PACS1: variants seen among roughly 807,000 people sequenced by gnomAD.
PACS1 encodes phosphofurin acidic cluster sorting protein 1, also known as PACS-1.
PACS1 carries 24 observed loss-of-function variants against 115.0 expected under a neutral mutation model. The ratio of observed to expected loss-of-function variants is 0.21; its 90% CI spans 0.15 to 0.29. The LOEUF (loss-of-function observed/expected upper bound fraction) is 0.29. Among genes scored for constraint, PACS1 ranks in the 10% least tolerant of loss-of-function variants. PACS1 has a pLI of 1.00. For synonymous variants in PACS1, 453 were observed against 504.5 expected (o/e 0.90, Z 1.37); for missense variants, 838 against 1,251.2 (o/e 0.67, Z 4.98).
intron 1 of PACS1, among the ~76,000 whole-genome samples, chr11:66,179,573 A>T (rs537092521): frequency 6.6e-6 from 1 of 152,168 alleles, no homozygotes; most frequent in Non-Finnish European, 1.5e-5. Flanking sequence ...CAGTATTAAC[A>T]TATATACCCA....
Position 66,243,935 on chromosome 11 carries a change from G to A in PACS1, c.*655G>A, listed in dbSNP as rs1855868466. On this transcript the variant is annotated 3_prime_UTR_variant, in exon 24 of 24. Transcript: ENST00000320580. ...GTGACACAGCGTTTCTAGGACAGAG[G>A]GGCCTCCCAGTCTCCCCCCACCACC... 1 of 152,322 alleles carries A rather than the reference G, an allele frequency of 6.6e-6. No homozygotes were observed. The highest frequency in any genetic ancestry group is 1.9e-4 in the East Asian group (1 of 5,186). 9.4% of individuals were successfully genotyped at this position (152,322 alleles called of 1,614,324 possible). A position where few individuals can be genotyped will look rare whatever the true frequency, so the allele number is the denominator to read the frequency against.
At position 66,235,344 on chromosome 11, in the gene PACS1, G is replaced by T. The variant is rs1855685058; in HGVS notation, c.2148G>T (p.Gly716=). The change falls in exon 18 of 24, where the codon GGG becomes GGT. Residue 716 remains glycine (G), a synonymous_variant. Coordinates refer to ENST00000320580, the MANE Select transcript of PACS1 (RefSeq NM_018026.4). The surrounding 1 kb of genome is among the most constrained non-coding windows in gnomAD (Gnocchi z 5.6). ...GGCGGGTGATGCAGTACGTCAACGG[G>T]GCAGCCACGACACACCAGCTTCCCG... ...VAGRVMQYVN[G]AATTHQLPVA... 1 of 1,614,040 alleles carries T rather than the reference G, an allele frequency of 6.2e-7. No homozygotes were observed. Among genetic ancestry groups the T allele is most frequent in the Non-Finnish European group, 8.5e-7 (1 of 1,179,958 alleles).
chr11:66,158,003 C>T (rs1859399696), intron 1 of PACS1, among the ~76,000 whole-genome samples: 2 of 152,182 alleles, frequency 1.3e-5, no homozygotes, highest in South Asian at 2.1e-4. Context: ...CTCTGTTGCC[C>T]AGGCTGGAGT....
intron 1 of PACS1, among the ~76,000 whole-genome samples, chr11:66,136,881 T>C (rs1375863486): frequency 6.6e-6 from 1 of 152,168 alleles, no homozygotes; most frequent in South Asian, 2.1e-4. Context: ...GGTCTTCAGC[T>C]ATTGGAGGAC....
At chr11:66,111,166 A>G (rs1858178885) in intron 1 of PACS1, among the ~76,000 whole-genome samples, 1 of 152,226 alleles carries the variant, frequency 6.6e-6, no homozygotes, top group Admixed American at 6.5e-5. Flanking sequence ...CACTGATTCA[A>G]CTTTAGGCAA....
chr11:66,242,555 A>C (rs1249832904), intron 22 of PACS1, among the ~76,000 whole-genome samples: 1 of 152,194 alleles, frequency 6.6e-6, no homozygotes. Context: ...CTCATGCTGC[A>C]CTGGCTCCTG....
chr11:66,224,270 C>T (rs1255086177), intron 10 of PACS1, among the ~76,000 whole-genome samples: 4 of 149,918 alleles, frequency 2.7e-5, no homozygotes, highest in Non-Finnish European at 5.9e-5. Context: ...TCTGTCAGGG[C>T]AAAAACACAT....
intron 20 of PACS1, 89 bp from the exon 21 acceptor site, chr11:66,239,053 C>T (rs1855758509): frequency 6.3e-7 from 1 of 1,587,534 alleles, no homozygotes; most frequent in Admixed American, 1.7e-5. Flanking sequence ...AAGCAGGCCA[C>T]AGGATGGGAG....
At chr11:66,225,672 G>A (rs1855457325) in intron 10 of PACS1, among the ~76,000 whole-genome samples, 1 of 152,166 alleles carries the variant, frequency 6.6e-6, no homozygotes, top group African/African-American at 2.4e-5. Flanking sequence ...TTGCAGCTTT[G>A]ACATGGAAGC....
intron 2 of PACS1, among the ~76,000 whole-genome samples, chr11:66,195,429 AC>A (rs1444112697): frequency 6.6e-6 from 1 of 152,158 alleles, no homozygotes; most frequent in Non-Finnish European, 1.5e-5. Context: ...TTTCTAGGTC[AC>A]AGGCAGTGTT....
chr11:66,197,411 A>T (rs1854674547), intron 2 of PACS1, among the ~76,000 whole-genome samples: 1 of 152,222 alleles, frequency 6.6e-6, no homozygotes. Flanking sequence ...ATTATTTAAA[A>T]TTCTACTTTG....
At position 66,219,390 on chromosome 11, in the gene PACS1, A is replaced by G. The variant is rs550668962; in HGVS notation, c.979-356A>G. On this transcript the variant is annotated intron_variant, in intron 7 of 23. Transcript: ENST00000320580. ...TTCCACCGTGGAGGTGGTAAGGCTGAGGTGCCCGCGCTGTGCATGCGCAGG... is the reference window on the plus strand; with the variant it reads ...TTCCACCGTGGAGGTGGTAAGGCTGGGGTGCCCGCGCTGTGCATGCGCAGG... 2.3e-3 allele frequency among the ~76,000 whole-genome samples: 357 copies of G among 151,978 alleles called. 2 individuals carry two copies. The highest frequency in any genetic ancestry group is 4.4e-3 in the Non-Finnish European group (298 of 67,984).
In PACS1 at chr11:66,073,333, G is replaced by A. The variant is rs1009568829; in HGVS notation, c.356+2491G>A. 2.6e-4 allele frequency among the ~76,000 whole-genome samples: 39 copies of A among 152,122 alleles called. 1 individual carries two copies. The highest frequency in any genetic ancestry group is 9.2e-4 in the African/African-American group (38 of 41,418). On this transcript the variant is annotated intron_variant, in intron 1 of 23. Transcript: ENST00000320580. ...AGGCAACATGCAGCACTCTGTGGAGGGATTAACATTCTTGTCTCATGTAAC... is the reference window on the plus strand; with the variant it reads ...AGGCAACATGCAGCACTCTGTGGAGAGATTAACATTCTTGTCTCATGTAAC...
chr11:66,159,323 G>C (rs1260394765), intron 1 of PACS1, among the ~76,000 whole-genome samples: 1 of 152,094 alleles, frequency 6.6e-6, no homozygotes, highest in Non-Finnish European at 1.5e-5. Context: ...TGTAATCCCA[G>C]ATACTCAGGA....
intron 22 of PACS1, among the ~76,000 whole-genome samples, 168 bp from the exon 23 acceptor site, chr11:66,242,744 T>C (rs1855841226): frequency 6.6e-6 from 1 of 152,040 alleles, no homozygotes; most frequent in African/African-American, 2.4e-5. Flanking sequence ...GTGCTGGGAC[T>C]GAGTCAGGAA....
chr11:66,138,722 G>T (rs1481234747), intron 1 of PACS1, among the ~76,000 whole-genome samples: 1 of 149,814 alleles, frequency 6.7e-6, no homozygotes, highest in African/African-American at 2.5e-5. Context: ...TTGCTCTGTC[G>T]CCCAAGCTGG....
At chr11:66,216,862 C>CTTATTTTTTTTTTT in intron 7 of PACS1, 87 bp downstream of exon 7, 1 of 849,834 alleles carries the variant, frequency 1.2e-6, no homozygotes, top group Non-Finnish European at 2.0e-6. Flanking sequence ...CTAGTGGAGA[C>CTTATTTTTTTTTTT]TTCTTAAAAT....
rs138972067 is a variant in PACS1, at chr11:66,139,504, A to G, written c.357-53982A>G. Reference sequence around the variant, plus strand: ...CATCCACCCCCCTAACCCCACCACTACCCTTCCCAGCCTGTGGTAACCATC... The same window carrying G: ...CATCCACCCCCCTAACCCCACCACTGCCCTTCCCAGCCTGTGGTAACCATC... On this transcript the variant is annotated intron_variant, in intron 1 of 23. Coordinates refer to ENST00000320580, the MANE Select transcript of PACS1 (RefSeq NM_018026.4). Among the ~76,000 whole-genome samples, 803 of 139,112 alleles carry G rather than the reference A, an allele frequency of 5.8e-3. 10 individuals carry two copies. Among genetic ancestry groups the G allele is most frequent in the African/African-American group, 0.021 (760 of 36,630 alleles). 91.3% of individuals were successfully genotyped at this position (139,112 alleles called of 152,430 possible).
chr11:66,119,060 G>C (rs969306477), intron 1 of PACS1, among the ~76,000 whole-genome samples: 1 of 152,138 alleles, frequency 6.6e-6, no homozygotes, highest in African/African-American at 2.4e-5. Context: ...GCCCAAGAAG[G>C]CTTCCTGAAC....
Sources: gnomAD v4.1 joint callset for allele counts (sites outside exome capture counted in the v4.1 genomes callset) on GRCh38, gnomAD v4.1.1 for gene constraint, Gnocchi (gnomAD v3.1) non-coding constraint, MANE v1.5 for transcripts, NCBI Gene and HGNC (gene_info 2026-07-23, HGNC 2026-07-21) for gene names.